Variants in BMPER observed in about 807,000 individuals in gnomAD.
BMPER encodes the protein BMP-binding endothelial regulator protein.
BMPER carries 45 observed loss-of-function variants against 87.3 expected under a neutral mutation model. The ratio of observed to expected loss-of-function variants is 0.52; its 90% CI spans 0.41 to 0.66. The LOEUF is 0.66. BMPER is among the 30% of genes least tolerant of loss of function. The pLI is 0.00. For synonymous variants in BMPER, 326 were observed against 316.2 expected, an observed-to-expected ratio of 1.03 and a Z score of -0.33; for missense variants, 784 against 867.5, an observed-to-expected ratio of 0.90 and a Z score of 1.21.
At chr7:34,117,222 C>T (rs1389793831) in intron 13 of BMPER, among the ~76,000 whole-genome samples, 1 of 152,114 alleles carries the variant, frequency 6.6e-6, no homozygotes, top group African/African-American at 2.4e-5. Flanking sequence ...TGCCAAAAGT[C>T]AAATTGCTTC....
chr7:34,090,503 G>C (rs1372005883), intron 13 of BMPER, among the ~76,000 whole-genome samples: 1 of 152,132 alleles, frequency 6.6e-6, no homozygotes, highest in Non-Finnish European at 1.5e-5. Context: ...TTAGCAGCCA[G>C]TATCAAACCT....
chr7:34,057,998 C>G, intron 9 of BMPER, 61 bp from the exon 10 acceptor site: 2 of 1,462,212 alleles, frequency 1.4e-6, no homozygotes, highest in Non-Finnish European at 1.9e-6. Flanking sequence ...AGGTTACAGT[C>G]TGTTGCCTCA....
chr7:33,961,791 C>T (rs1165098323), intron 3 of BMPER, among the ~76,000 whole-genome samples: 1 of 152,110 alleles, frequency 6.6e-6, no homozygotes, highest in South Asian at 2.1e-4. Flanking sequence ...GGAACTTGAA[C>T]ATGCATTCAG....
chr7:33,924,970 C>A (rs1585641653), intron 2 of BMPER, among the ~76,000 whole-genome samples: 1 of 152,278 alleles, frequency 6.6e-6, no homozygotes, highest in East Asian at 1.9e-4. Flanking sequence ...CCTAAAGGAT[C>A]TTTTTCTGAT....
intron 6 of BMPER, among the ~76,000 whole-genome samples, chr7:34,032,085 C>T (rs971446404): frequency 7.3e-5 from 11 of 150,430 alleles, no homozygotes; most frequent in Middle Eastern, 3.5e-3. Context: ...AAAGCTTTAC[C>T]TCAGTTGTTC....
intron 13 of BMPER, among the ~76,000 whole-genome samples, chr7:34,094,661 T>C (rs1229369601): frequency 1.3e-5 from 2 of 152,192 alleles, no homozygotes; most frequent in African/African-American, 2.4e-5. Context: ...AAGCCCTTGC[T>C]GTTAGGCAGG....
intron 6 of BMPER, among the ~76,000 whole-genome samples, chr7:34,011,716 C>G (rs1786887142): frequency 6.6e-6 from 1 of 151,660 alleles, no homozygotes; most frequent in Non-Finnish European, 1.5e-5. Flanking sequence ...AACCTGTACC[C>G]ATCTTAGAAA....
At chr7:34,128,948 C>G (rs953962891) in intron 13 of BMPER, among the ~76,000 whole-genome samples, 29 of 152,136 alleles carry the variant, frequency 1.9e-4, no homozygotes, top group African/African-American at 6.3e-4. Context: ...CTCTATGATT[C>G]TATAATTCTC....
chr7:33,951,526 C>CAATT (rs367714339), intron 3 of BMPER, among the ~76,000 whole-genome samples: 206 of 152,180 alleles, frequency 1.4e-3, no homozygotes, highest in African/African-American at 4.6e-3. Context: ...ACTTGCTGTA[C>CAATT]AATTAAGTAT....
At chr7:34,094,662 G>C (rs1191277551) in intron 13 of BMPER, among the ~76,000 whole-genome samples, 1 of 152,226 alleles carries the variant, frequency 6.6e-6, no homozygotes, top group African/African-American at 2.4e-5. Context: ...AGCCCTTGCT[G>C]TTAGGCAGGC....
At chr7:34,146,362 G>C (rs1791019569) in intron 14 of BMPER, among the ~76,000 whole-genome samples, 1 of 152,014 alleles carries the variant, frequency 6.6e-6, no homozygotes, top group Non-Finnish European at 1.5e-5. Flanking sequence ...AGTCCAGCCT[G>C]GATTTTAACA....
chr7:33,945,220 C>T (rs1257075994), intron 3 of BMPER, among the ~76,000 whole-genome samples: 1 of 145,650 alleles, frequency 6.9e-6, no homozygotes, highest in Non-Finnish European at 1.5e-5. Context: ...GGATTACAGG[C>T]CTGAGCCACC....
At chr7:33,998,736 T>G (rs1305758750) in intron 6 of BMPER, among the ~76,000 whole-genome samples, 1 of 152,158 alleles carries the variant, frequency 6.6e-6, no homozygotes, top group Non-Finnish European at 1.5e-5. Flanking sequence ...AACCATGGCT[T>G]TGTGCAGCCA....
chr7:33,940,429 G>A (rs1000275037), intron 3 of BMPER, among the ~76,000 whole-genome samples: 11 of 152,294 alleles, frequency 7.2e-5, no homozygotes, highest in South Asian at 4.1e-4. Context: ...AGAGCCTTGC[G>A]TAGTAAAGGA....
intron 6 of BMPER, among the ~76,000 whole-genome samples, chr7:34,003,062 G>A (rs1205196669): frequency 6.6e-6 from 1 of 151,552 alleles, no homozygotes; most frequent in Non-Finnish European, 1.5e-5. Context: ...GCTGGTTTTT[G>A]TATGTCTTAT....
intron 6 of BMPER, among the ~76,000 whole-genome samples, chr7:34,010,715 C>T (rs1786853841): frequency 6.6e-6 from 1 of 151,932 alleles, no homozygotes; most frequent in Admixed American, 6.6e-5. Context: ...AATGTAACTA[C>T]ATGCTATACT....
intron 2 of BMPER, among the ~76,000 whole-genome samples, chr7:33,914,013 G>A (rs999713850): frequency 4.0e-5 from 6 of 149,346 alleles, no homozygotes; most frequent in African/African-American, 1.5e-4. Context: ...CCAGGCTGGA[G>A]TGCAGTGGCA....
chr7:33,968,585 T>G (rs1165378285), intron 4 of BMPER, among the ~76,000 whole-genome samples: 1 of 152,186 alleles, frequency 6.6e-6, no homozygotes, highest in Non-Finnish European at 1.5e-5. Context: ...GTACCTCACT[T>G]TAACTACCTA....
At chr7:34,068,585 T>C (rs1472189536) in intron 11 of BMPER, among the ~76,000 whole-genome samples, 1 of 151,026 alleles carries the variant, frequency 6.6e-6, no homozygotes, top group Admixed American at 6.6e-5. Flanking sequence ...ACTGGCTTGG[T>C]TTTCCATTTT....
Sources: allele counts gnomAD v4.1 joint callset (sites outside exome capture counted in the v4.1 genomes callset), GRCh38; gene constraint gnomAD v4.1.1; transcripts MANE v1.5; gene names NCBI Gene and HGNC (gene_info 2026-07-23, HGNC 2026-07-21).